ADAMTS17: variants seen among roughly 807,000 people sequenced by gnomAD.
ADAMTS17 encodes ADAM metallopeptidase with thrombospondin type 1 motif 17, also known as A disintegrin and metalloproteinase with thrombospondin motifs 17.
ADAMTS17 carries 113 observed loss-of-function variants against 141.5 expected under a neutral mutation model. The ratio of observed to expected loss-of-function variants is 0.80; its 90% confidence interval spans 0.69 to 0.93. The LOEUF is 0.93. ADAMTS17 is among the 40% of genes least tolerant of loss of function. The probability of loss-of-function intolerance (pLI) is 0.00; values close to 1 mark genes in which losing one functional copy is unlikely to be tolerated. For synonymous variants in ADAMTS17, 768 were observed against 630.6 expected, an observed-to-expected ratio of 1.22 and a Z score of -3.27; for missense variants, 1,659 against 1,517.9, an observed-to-expected ratio of 1.09 and a Z score of -1.54.
intron 7 of ADAMTS17, among the ~76,000 whole-genome samples, chr15:100,214,252 T>C (rs2041900188): frequency 6.6e-6 from 1 of 152,178 alleles, no homozygotes; most frequent in African/African-American, 2.4e-5. Context: ...GAGGAAAACT[T>C]GTCATCTGGC....
chr15:100,030,169 G>A (rs2029998952), intron 18 of ADAMTS17, among the ~76,000 whole-genome samples: 1 of 152,134 alleles, frequency 6.6e-6, no homozygotes, highest in Non-Finnish European at 1.5e-5. Flanking sequence ...TCAGGGTAAA[G>A]CTCTCTCCCC....
chr15:100,101,508 A>C (rs1031217111), intron 14 of ADAMTS17, among the ~76,000 whole-genome samples: 2 of 152,216 alleles, frequency 1.3e-5, no homozygotes, highest in Non-Finnish European at 2.9e-5. Context: ...CTTGGTTGTT[A>C]AATCACGCCT....
rs537517839 is a variant in ADAMTS17, at chr15:100,180,647, T to C, written c.1181+18671A>G. On this transcript the variant is annotated intron_variant, in intron 8 of 21. Coordinates refer to ENST00000268070, the MANE Select transcript of ADAMTS17 (RefSeq NM_139057.4). ...TAACAGTATTTATTCTTACAATTCATGAACGCTGAATATCTTTCCATTTTT... is the reference window on the plus strand; with the variant it reads ...TAACAGTATTTATTCTTACAATTCACGAACGCTGAATATCTTTCCATTTTT... Among the ~76,000 whole-genome samples, 68 of 152,366 alleles carry C rather than the reference T, an allele frequency of 4.5e-4. 1 individual carries two copies. Among genetic ancestry groups the C allele is most frequent in the African/African-American group, 1.6e-3 (65 of 41,588 alleles).
At chr15:100,249,496 A>G (rs894242699) in intron 7 of ADAMTS17, among the ~76,000 whole-genome samples, 1 of 152,222 alleles carries the variant, frequency 6.6e-6, no homozygotes, top group Non-Finnish European at 1.5e-5. Context: ...GGCAGACCAC[A>G]GGACCCTGGG....
chr15:100,041,988 A>G (rs950842697), intron 18 of ADAMTS17, among the ~76,000 whole-genome samples: 2 of 152,212 alleles, frequency 1.3e-5, no homozygotes, highest in African/African-American at 4.8e-5. Context: ...AGTGGGTTGC[A>G]TTCTGGCTTC....
At chr15:100,072,752 T>G (rs1336982690) in intron 15 of ADAMTS17, among the ~76,000 whole-genome samples, 2 of 152,068 alleles carry the variant, frequency 1.3e-5, no homozygotes, top group Non-Finnish European at 2.9e-5. Context: ...ATACAAAAAT[T>G]AATTCAAGAT....
intron 20 of ADAMTS17, among the ~76,000 whole-genome samples, chr15:99,986,087 C>T (rs1490571784): frequency 6.6e-6 from 1 of 151,736 alleles, no homozygotes; most frequent in Non-Finnish European, 1.5e-5. Context: ...GCCGGCTGAA[C>T]TGAAGTGGCT....
chr15:100,267,704 AGT>A (rs1261416661), intron 4 of ADAMTS17, among the ~76,000 whole-genome samples: 1 of 152,042 alleles, frequency 6.6e-6, no homozygotes, highest in Non-Finnish European at 1.5e-5. Flanking sequence ...AGTAGTCCGC[AGT>A]GTCTGCTGCC....
At chr15:99,984,324 G>A (rs1346934799) in intron 20 of ADAMTS17, among the ~76,000 whole-genome samples, 1 of 152,146 alleles carries the variant, frequency 6.6e-6, no homozygotes, top group African/African-American at 2.4e-5. Flanking sequence ...GGGTAACTTT[G>A]CTTCCCACCA....
chr15:100,231,267 T>C (rs2042472605), intron 7 of ADAMTS17, among the ~76,000 whole-genome samples: 1 of 152,230 alleles, frequency 6.6e-6, no homozygotes, highest in South Asian at 2.1e-4. Context: ...CACAACTACT[T>C]ATCAGATAAT....
chr15:100,135,071 G>A (rs1271954739), intron 10 of ADAMTS17, among the ~76,000 whole-genome samples: 1 of 152,102 alleles, frequency 6.6e-6, no homozygotes, highest in East Asian at 1.9e-4. Context: ...GGAGCGGTTG[G>A]GATTAGGAGA....
intron 7 of ADAMTS17, among the ~76,000 whole-genome samples, chr15:100,200,973 C>A (rs546927595): frequency 5.3e-4 from 80 of 152,228 alleles, no homozygotes; most frequent in Non-Finnish European, 8.8e-4. Flanking sequence ...CATGAACTTG[C>A]CTGAGGTGTC....
rs559210369 is a variant in ADAMTS17 at position 100,043,348 on chromosome 15, G to A, written c.2591+5509C>T. On this transcript the variant is annotated intron_variant, in intron 18 of 21. Transcript: ENST00000268070. The stretch of plus-strand genomic sequence containing the variant: ...ATGATTTTACAGTCAGGAAGGGAGT[G>A]TAAGGAAGTGGGAAAGAGAAGTGGT... 1.9e-3 allele frequency among the ~76,000 whole-genome samples: 295 copies of A among 152,300 alleles called. 2 individuals carry two copies. The highest frequency in any genetic ancestry group is 6.9e-3 in the African/African-American group (285 of 41,564).
At chr15:100,329,752 C>CT (rs1346524314) in intron 3 of ADAMTS17, among the ~76,000 whole-genome samples, 1 of 152,178 alleles carries the variant, frequency 6.6e-6, no homozygotes, top group Admixed American at 6.5e-5. Flanking sequence ...ACAATCACCT[C>CT]TAATACTCAC....
chr15:100,076,661 CAT>C (rs1184247804), intron 15 of ADAMTS17, among the ~76,000 whole-genome samples: 13 of 152,092 alleles, frequency 8.5e-5, no homozygotes, highest in African/African-American at 3.1e-4. Context: ...TTCGTTAGGA[CAT>C]AGATTTATTG....
At chr15:100,226,308 C>T (rs1285359397) in intron 7 of ADAMTS17, among the ~76,000 whole-genome samples, 1 of 152,276 alleles carries the variant, frequency 6.6e-6, no homozygotes, top group South Asian at 2.1e-4. Flanking sequence ...AGGCCACAGA[C>T]TACCCAGCAG....
Position 100,195,656 on chromosome 15 carries a change from C to CA in ADAMTS17, c.1181+3661dup, listed in dbSNP as rs34161657. Among the ~76,000 whole-genome samples, 78 of 137,492 alleles carry CA rather than the reference C, an allele frequency of 5.7e-4. 1 individual carries two copies. Among genetic ancestry groups the CA allele is most frequent in the Admixed American group, 6.5e-4 (9 of 13,808 alleles). 90.2% of individuals were successfully genotyped at this position (137,492 alleles called of 152,430 possible). A position where few individuals can be genotyped will look rare whatever the true frequency, so the allele number is the denominator to read the frequency against. ...AAAAAAGAAGCTGTCAATCTCATCT[C>CA]AAAAAAAAAAATCTGTCAATCTCAC... On this transcript the variant is annotated intron_variant, in intron 8 of 21. Coordinates refer to ENST00000268070, the MANE Select transcript of ADAMTS17 (RefSeq NM_139057.4).
Position 100,290,677 on chromosome 15 carries a change from A to C in ADAMTS17, c.617-9276T>G, listed in dbSNP as rs2044598754. Among the ~76,000 whole-genome samples the C allele has an allele frequency of 2.0e-5, 3 of 152,336 alleles. 1 individual carries two copies. The South Asian group carries it at 6.2e-4, about 32-fold the overall frequency. On this transcript the variant is annotated intron_variant, in intron 3 of 21. Transcript: ENST00000268070. ...ACAGACACATAGACCAATGGAACAG[A>C]ATAGAGAGCCCAGAAATAAAGCTGC... is the stretch of plus-strand genomic sequence containing the variant.
intron 8 of ADAMTS17, among the ~76,000 whole-genome samples, 196 bp downstream of exon 8, chr15:100,199,122 C>T (rs576828615): frequency 2.0e-5 from 3 of 152,254 alleles, no homozygotes; most frequent in Admixed American, 2.0e-4. Flanking sequence ...AACATTTCAA[C>T]TCTCCAAGCC....
Sources: allele counts gnomAD v4.1 joint callset (sites outside exome capture counted in the v4.1 genomes callset), GRCh38; gene constraint gnomAD v4.1.1; transcripts MANE v1.5; gene names NCBI Gene and HGNC (gene_info 2026-07-23, HGNC 2026-07-21).